CLIC5: variants seen among roughly 807,000 people sequenced by gnomAD.
The protein encoded by CLIC5 is CLIC family member 5.
A neutral mutation model predicts 24.7 loss-of-function variants in CLIC5; 20 were observed. That is an observed-to-expected ratio of 0.81 (90% CI 0.57 to 1.18). CLIC5 has a LOEUF of 1.18. CLIC5 is among the 50% of genes most tolerant of loss of function. CLIC5 has a pLI of 0.00. For missense variants in CLIC5, 341 were observed against 326.1 expected (o/e 1.05, Z -0.35); for synonymous variants, 159 against 135.6 (o/e 1.17, Z -1.20).
rs368407636 is a variant in CLIC5 at position 45,981,890 on chromosome 6, C to T, written c.64-26646G>A. On this transcript the variant is annotated intron_variant, in intron 1 of 5. Transcript: ENST00000339561. ...GCAGGTGCCTGTAATCCCAGTTACT[C>T]GGGAGGCTGAGGCAGGAGAATCTCT... is the stretch of plus-strand genomic sequence containing the variant. 5.9e-5 allele frequency among the ~76,000 whole-genome samples: 9 copies of T among 151,488 alleles called. No individual in the cohort carries two copies. The East Asian group carries it at 7.8e-4, about 13-fold the overall frequency.
At chr6:46,111,114 C>T in the CLIC5 span, among the ~76,000 whole-genome samples, 46 of 151,650 alleles carry the variant, frequency 3.0e-4, no homozygotes, top group South Asian at 8.8e-3. Context: ...TTACAAGTCT[C>T]CAAACTAATG....
At position 45,975,172 on chromosome 6, in the gene CLIC5, G is replaced by T. The variant is rs542442646; in HGVS notation, c.64-19928C>A. 2.0e-5 allele frequency among the ~76,000 whole-genome samples: 3 copies of T among 152,200 alleles called. No individual in the cohort carries two copies. The South Asian group carries it at 6.2e-4, about 32-fold the overall frequency. ...GGTCCCTTTACTTGTGCCTCCAAAG[G>T]CTCTGATTTAGAACTGGAGAGTGAG... On this transcript the variant is annotated intron_variant, in intron 1 of 5. Transcript: ENST00000339561.
chr6:45,914,404 C>G lies in CLIC5; in HGVS notation c.412G>C (p.Glu138Gln). The G allele has an allele frequency of 4.5e-6, 7 of 1,564,992 alleles. No homozygotes were observed. Among genetic ancestry groups the G allele is most frequent in the Non-Finnish European group, 6.1e-6 (7 of 1,145,956 alleles). Residue 138 changes from glutamate (E) to glutamine (Q), a missense_variant, in exon 5 of 6, where the codon GAA (glutamate) becomes CAA (glutamine). Transcript: ENST00000339561. ...NTKQQNNAAL[E>Q]RGLTKALKKL... ...TTTAGAGCCTTGGTTAGGCCTCTTT[C>G]AAGAGCTGGCATGAAAGAGTAAAAG...
At chr6:46,004,420 C>T (rs1766469398) in intron 1 of CLIC5, among the ~76,000 whole-genome samples, 1 of 152,194 alleles carries the variant, frequency 6.6e-6, no homozygotes, top group Admixed American at 6.5e-5. Flanking sequence ...TGCAAACCTA[C>T]CATGATGTCC....
chr6:46,069,544 C>T (rs769312305), intron 1 of CLIC5, among the ~76,000 whole-genome samples: 6 of 151,672 alleles, frequency 4.0e-5, no homozygotes, highest in South Asian at 4.2e-4. Context: ...ACCAATAATG[C>T]GTTCCAAAAT....
In CLIC5 at chr6:45,999,732, GTTTTTTTTTTTTTTT is replaced by G. The variant is rs1201850451; in HGVS notation, c.63+15733_63+15747del. 3.9e-5 allele frequency among the ~76,000 whole-genome samples: 2 copies of G among 50,848 alleles called. 1 individual carries two copies. The highest frequency in any genetic ancestry group is 6.7e-5 in the Non-Finnish European group (2 of 30,038). 33.4% of individuals were successfully genotyped at this position (50,848 alleles called of 152,430 possible). A position where few individuals can be genotyped will look rare whatever the true frequency, so the allele number is the denominator to read the frequency against. On this transcript the variant is annotated intron_variant, in intron 1 of 5. Transcript: ENST00000339561. ...GTAAATCTATTTTCTCTTCCTTGTGGTTTTTTTTTTTTTTTTTTTTTTTTGAGACGGAGTCTCGCT... is the reference window on the plus strand; with the variant it reads ...GTAAATCTATTTTCTCTTCCTTGTGGTTTTTTTTTGAGACGGAGTCTCGCT...
In CLIC5 at chr6:45,914,427, A is replaced by T; in HGVS notation, c.407-18T>A. The T allele has an allele frequency of 6.5e-7, 1 of 1,548,182 alleles. No homozygotes were observed. The highest frequency in any genetic ancestry group is 2.3e-5 in the East Asian group (1 of 43,582). ...TTCAAGAGCTGGCATGAAAGAGTAAAAGGGCCTTTATTCAAACTTCTTGCC... is the reference window on the plus strand; with the variant it reads ...TTCAAGAGCTGGCATGAAAGAGTAATAGGGCCTTTATTCAAACTTCTTGCC... On this transcript the variant is annotated intron_variant, in intron 4 of 5. Coordinates refer to ENST00000339561, the MANE Select transcript of CLIC5 (RefSeq NM_016929.5).
intron 6 of CLIC5, among the ~76,000 whole-genome samples, chr6:45,882,723 C>T (rs1366093327): frequency 2.0e-5 from 3 of 152,172 alleles, no homozygotes; most frequent in Admixed American, 6.5e-5. Flanking sequence ...ACATTTTCCT[C>T]TTTAGTGATA....
At chr6:45,929,532 G>C (rs145188954) in intron 4 of CLIC5, among the ~76,000 whole-genome samples, 8 of 152,342 alleles carry the variant, frequency 5.3e-5, no homozygotes, top group Admixed American at 6.5e-5. Flanking sequence ...TGCACACAGG[G>C]GTTGCCAAGG....
At chr6:45,882,247 C>T (rs1430032837) in intron 6 of CLIC5, among the ~76,000 whole-genome samples, 1 of 152,226 alleles carries the variant, frequency 6.6e-6, no homozygotes, top group Non-Finnish European at 1.5e-5. Context: ...CATCTCCCCA[C>T]CCTTCATCCA....
At chr6:45,905,203 T>A (rs1158757224) in intron 5 of CLIC5, among the ~76,000 whole-genome samples, 1 of 152,206 alleles carries the variant, frequency 6.6e-6, no homozygotes, top group Non-Finnish European at 1.5e-5. Flanking sequence ...GCATATGAAA[T>A]TTTTTTGGTA....
chr6:45,950,531 A>G (rs534665629), intron 2 of CLIC5, among the ~76,000 whole-genome samples: 1 of 152,320 alleles, frequency 6.6e-6, no homozygotes, highest in East Asian at 1.9e-4. Context: ...TGATGGCACC[A>G]CTGCCCTCCA....
At chr6:46,074,684 G>T (rs1762719331) in intron 1 of CLIC5, among the ~76,000 whole-genome samples, 1 of 152,206 alleles carries the variant, frequency 6.6e-6, no homozygotes, top group Non-Finnish European at 1.5e-5. Context: ...TTGTTCTTAT[G>T]TCAACTTTTC....
intron 1 of CLIC5, among the ~76,000 whole-genome samples, chr6:45,968,737 T>A (rs1765097344): frequency 6.6e-6 from 1 of 152,328 alleles, no homozygotes. Context: ...TTAATATGAG[T>A]GCTATGAATT....
chr6:45,979,914 T>C (rs1765511175), intron 1 of CLIC5, among the ~76,000 whole-genome samples: 1 of 152,066 alleles, frequency 6.6e-6, no homozygotes, highest in Non-Finnish European at 1.5e-5. Flanking sequence ...TTATCAATTT[T>C]TTATTTCTGT....
At chr6:45,956,097 T>A (rs1764632430) in intron 1 of CLIC5, among the ~76,000 whole-genome samples, 1 of 152,184 alleles carries the variant, frequency 6.6e-6, no homozygotes, top group Non-Finnish European at 1.5e-5. Context: ...TTTCCCTTCC[T>A]CAAAACAGTA....
At chr6:46,048,922 G>T (rs1185076437) in intron 1 of CLIC5, among the ~76,000 whole-genome samples, 1 of 152,108 alleles carries the variant, frequency 6.6e-6, no homozygotes, top group African/African-American at 2.4e-5. Flanking sequence ...CAATGCTAAA[G>T]GTCAGACAAA....
chr6:46,105,922 A>T, the CLIC5 span, among the ~76,000 whole-genome samples: 2 of 152,248 alleles, frequency 1.3e-5, no homozygotes, highest in Non-Finnish European at 2.9e-5. Flanking sequence ...AGAAAGGTGC[A>T]GTTTGAACAC....
At chr6:45,920,333 G>A in intron 4 of CLIC5, 1 of 974,116 alleles carries the variant, frequency 1.0e-6, no homozygotes. Context: ...GAAACATCTG[G>A]TCAAAAAGTG....
Sources: gnomAD v4.1 joint callset for allele counts (sites outside exome capture counted in the v4.1 genomes callset) on GRCh38, gnomAD v4.1.1 for gene constraint, MANE v1.5 for transcripts, NCBI Gene and HGNC (gene_info 2026-07-23, HGNC 2026-07-21) for gene names.